The following PAIP2 variants were observed in gnomAD, a reference collection of about 807,000 sequenced individuals.
PAIP2 encodes poly(A) binding protein interacting protein 2, also known as polyadenylate-binding protein-interacting protein 2.
Under a neutral mutation model 14.8 loss-of-function variants are expected in PAIP2, and 7 were observed. That is an observed-to-expected ratio of 0.47 (90% confidence interval 0.27 to 0.89). The LOEUF (loss-of-function observed/expected upper bound fraction) is 0.89. Ranked by LOEUF, PAIP2 falls within the 40% of genes least tolerant of loss-of-function variation. The probability of loss-of-function intolerance (pLI) is 0.13; values close to 1 mark genes in which losing one functional copy is unlikely to be tolerated. For missense variants in PAIP2, 122 were observed against 154.7 expected (o/e 0.79, Z 1.12); for synonymous variants, 47 against 45.3 (o/e 1.04, Z -0.15).
intron 3 of PAIP2, 103 bp downstream of exon 3, chr5:139,364,846 A>G: frequency 2.6e-6 from 2 of 777,336 alleles, no homozygotes; most frequent in Non-Finnish European, 4.1e-6. Flanking sequence ...TTTCCCCTTC[A>G]GAAATTGTGC....
intron 1 of PAIP2, among the ~76,000 whole-genome samples, chr5:139,355,276 T>C (rs947792687): frequency 6.6e-6 from 1 of 151,456 alleles, no homozygotes; most frequent in African/African-American, 2.4e-5. Context: ...TTCAAGTGAT[T>C]CTCCTGCCTC....
At chr5:139,362,405 GTTTTTTTTTTTT>G (rs554669690) in intron 1 of PAIP2, among the ~76,000 whole-genome samples, 1 of 73,950 alleles carries the variant, frequency 1.4e-5, no homozygotes, top group Admixed American at 1.4e-4. Context: ...GTTTTTGGGT[GTTTTTTTTTTTT>G]TTTTTTTTTT....
chr5:139,368,552 T>C (rs1757441609), intron 3 of PAIP2, among the ~76,000 whole-genome samples, 181 bp from the exon 4 acceptor site: 1 of 151,970 alleles, frequency 6.6e-6, no homozygotes, highest in Non-Finnish European at 1.5e-5. Context: ...AAAAAGTTGA[T>C]GTAATTTAAT....
Position 139,342,204 on chromosome 5 carries a change from A to G in PAIP2, c.-27+224A>G, listed in dbSNP as rs189340101. 1.7e-3 allele frequency among the ~76,000 whole-genome samples: 258 copies of G among 151,124 alleles called. 1 individual carries two copies. Among genetic ancestry groups the G allele is most frequent in the African/African-American group, 6.1e-3 (251 of 41,148 alleles). On this transcript the variant is annotated intron_variant, in intron 1 of 3. Transcript: ENST00000265192. ...TGGCCGTCGCTTTTTTTTCATTGTC[A>G]TTATTAATGATTTGGATCTCGCAGC...
At chr5:139,360,255 G>A (rs1233583231) in intron 1 of PAIP2, among the ~76,000 whole-genome samples, 2 of 151,786 alleles carry the variant, frequency 1.3e-5, no homozygotes, top group African/African-American at 2.4e-5. Flanking sequence ...GGGAGCCACC[G>A]CACCCAGTCT....
At chr5:139,348,173 G>A (rs970672213) in intron 1 of PAIP2, among the ~76,000 whole-genome samples, 1 of 150,906 alleles carries the variant, frequency 6.6e-6, no homozygotes, top group African/African-American at 2.4e-5. Context: ...AACTACGAGT[G>A]ATGAATTTAT....
chr5:139,364,335 C>T (rs376077268), intron 2 of PAIP2, among the ~76,000 whole-genome samples: 1 of 152,240 alleles, frequency 6.6e-6, no homozygotes, highest in East Asian at 1.9e-4. Context: ...TCTTCCCTGC[C>T]ACCCTCAATG....
chr5:139,361,903 G>C (rs940330421), intron 1 of PAIP2, among the ~76,000 whole-genome samples: 1 of 141,490 alleles, frequency 7.1e-6, no homozygotes, highest in Non-Finnish European at 1.5e-5. Flanking sequence ...CTGAGATCAC[G>C]CCACTGCACT....
intron 1 of PAIP2, among the ~76,000 whole-genome samples, chr5:139,355,006 G>A (rs1756865015): frequency 6.6e-6 from 1 of 151,858 alleles, no homozygotes; most frequent in Non-Finnish European, 1.5e-5. Context: ...TTTTAGTAGA[G>A]ACAGGGTTTC....
intron 1 of PAIP2, among the ~76,000 whole-genome samples, chr5:139,346,833 TG>T (rs1756566938): frequency 6.6e-6 from 1 of 151,068 alleles, no homozygotes; most frequent in South Asian, 2.1e-4. Context: ...TTTTATTTTT[TG>T]AGATGCAGTC....
At chr5:139,355,320 C>T (rs1170669344) in intron 1 of PAIP2, among the ~76,000 whole-genome samples, 1 of 151,592 alleles carries the variant, frequency 6.6e-6, no homozygotes, top group East Asian at 1.9e-4. Context: ...CAGGCATGCA[C>T]CCCCATGCCC....
At chr5:139,344,237 T>G (rs1344865064) in intron 1 of PAIP2, among the ~76,000 whole-genome samples, 1 of 152,184 alleles carries the variant, frequency 6.6e-6, no homozygotes. Flanking sequence ...GTCCAGAGAT[T>G]CTATGCTCTT....
In PAIP2 at chr5:139,368,866, T is replaced by TA; in HGVS notation, c.*70dup. 8.6e-7 allele frequency: 1 copy of TA among 1,165,800 alleles called. No individual in the cohort carries two copies. Among genetic ancestry groups the TA allele is most frequent in the South Asian group, 1.3e-5 (1 of 78,320 alleles). The allele number at this position is 1,165,800 out of a possible 1,614,324, so 72.2% of individuals were successfully genotyped here. A position where few individuals can be genotyped will look rare whatever the true frequency, so the allele number is the denominator to read the frequency against. On this transcript the variant is annotated 3_prime_UTR_variant, in exon 4 of 4. Coordinates refer to ENST00000265192, the MANE Select transcript of PAIP2 (RefSeq NM_016480.5). ...ACTGTGAAGGCAGTATTAGAAGACT[T>TA]AATTGTAAAAGCTCTCTTGTCACTG...
intron 1 of PAIP2, among the ~76,000 whole-genome samples, chr5:139,352,499 G>GTTTTT (rs1561959065): frequency 3.9e-5 from 5 of 128,962 alleles, no homozygotes; most frequent in African/African-American, 1.6e-4. Flanking sequence ...TTTTTTTTTT[G>GTTTTT]TTGTTTTTTT....
intron 3 of PAIP2, 66 bp downstream of exon 3, chr5:139,364,809 C>G (rs1048977059): frequency 5.7e-6 from 6 of 1,055,916 alleles, no homozygotes; most frequent in Non-Finnish European, 8.5e-6. Flanking sequence ...AAAGCCAGCT[C>G]CCATCTATTT....
intron 1 of PAIP2, among the ~76,000 whole-genome samples, chr5:139,349,279 C>T (rs766013464): frequency 1.6e-4 from 25 of 152,138 alleles, no homozygotes; most frequent in Admixed American, 3.9e-4. Flanking sequence ...GACGGAGTCT[C>T]GCTCTGTCGC....
At chr5:139,366,031 C>G (rs1383877649) in intron 3 of PAIP2, among the ~76,000 whole-genome samples, 1 of 151,914 alleles carries the variant, frequency 6.6e-6, no homozygotes, top group Non-Finnish European at 1.5e-5. Flanking sequence ...GAAACCCCGT[C>G]TCTACTAAAA....
At chr5:139,363,357 T>C (rs921889021) in intron 1 of PAIP2, among the ~76,000 whole-genome samples, 6 of 152,194 alleles carry the variant, frequency 3.9e-5, no homozygotes, top group Non-Finnish European at 8.8e-5. Context: ...TACCGTGTAT[T>C]TTTAATGTAT....
chr5:139,363,240 CA>C (rs1225876756), intron 1 of PAIP2, among the ~76,000 whole-genome samples: 34 of 141,158 alleles, frequency 2.4e-4, no homozygotes, highest in Non-Finnish European at 2.3e-4. Flanking sequence ...AACTCTATCT[CA>C]AAAAAAAAAA....
Sources: allele counts gnomAD v4.1 joint callset (sites outside exome capture counted in the v4.1 genomes callset), GRCh38; gene constraint gnomAD v4.1.1; transcripts MANE v1.5; gene names NCBI Gene and HGNC (gene_info 2026-07-23, HGNC 2026-07-21).